Variants in SLC8A1 observed in about 807,000 individuals in gnomAD.
The protein encoded by SLC8A1 is solute carrier family 8 member A1.
SLC8A1 carries 18 observed loss-of-function variants against 68.3 expected under a neutral mutation model. That is an observed-to-expected ratio of 0.26 (90% CI 0.18 to 0.39). The LOEUF (loss-of-function observed/expected upper bound fraction) is 0.39, where lower values mean the gene tolerates loss of function less well. Ranked by LOEUF, SLC8A1 falls within the 10% of genes least tolerant of loss-of-function variation. The probability of loss-of-function intolerance (pLI) is 1.00; values close to 1 mark genes in which losing one functional copy is unlikely to be tolerated. For synonymous variants in SLC8A1, 475 were observed against 415.5 expected (o/e 1.14, Z -1.74); for missense variants, 985 against 1,156.7 (o/e 0.85, Z 2.15).
At chr2:40,122,202 G>A (rs548024500) in intron 7 of SLC8A1, among the ~76,000 whole-genome samples, 32 of 57,900 alleles carry the variant, frequency 5.5e-4, no homozygotes, top group African/African-American at 1.2e-3. Context: ...GTGCATGCGC[G>A]CGCGCACACA....
At chr2:40,357,042 G>A (rs1286874404) in intron 2 of SLC8A1, among the ~76,000 whole-genome samples, 1 of 152,168 alleles carries the variant, frequency 6.6e-6, no homozygotes, top group Non-Finnish European at 1.5e-5. Flanking sequence ...TACATCTGCA[G>A]AACACAGCAA....
intron 2 of SLC8A1, among the ~76,000 whole-genome samples, chr2:40,299,348 A>G (rs947248110): frequency 6.6e-6 from 1 of 152,126 alleles, no homozygotes; most frequent in Non-Finnish European, 1.5e-5. Context: ...CTTATTAAAG[A>G]TAGGTTTAGT....
At chr2:40,288,849 A>ATATATATATATATATATATATATG (rs1553476848) in intron 2 of SLC8A1, among the ~76,000 whole-genome samples, 2 of 138,760 alleles carry the variant, frequency 1.4e-5, no homozygotes, top group African/African-American at 2.9e-5. Flanking sequence ...ATATATATAT[A>ATATATATATATATATATATATATG]TATGTATATA....
chr2:40,272,973 C>T (rs979597364), intron 2 of SLC8A1, among the ~76,000 whole-genome samples: 1 of 152,162 alleles, frequency 6.6e-6, no homozygotes, highest in Non-Finnish European at 1.5e-5. Flanking sequence ...GATGGAGTCT[C>T]ACTCTGTCAC....
At chr2:40,321,340 C>A (rs1312241650) in intron 2 of SLC8A1, among the ~76,000 whole-genome samples, 1 of 152,000 alleles carries the variant, frequency 6.6e-6, no homozygotes, top group Admixed American at 6.6e-5. Flanking sequence ...CCATGTATAT[C>A]ATTTCTAACT....
chr2:40,505,357 T>C (rs1477531598), intron 1 of SLC8A1, among the ~76,000 whole-genome samples: 1 of 151,928 alleles, frequency 6.6e-6, no homozygotes, highest in Non-Finnish European at 1.5e-5. Context: ...GGATTGTTTA[T>C]AACTCAAAGG....
chr2:40,390,946 C>T (rs2149597830), intron 2 of SLC8A1, among the ~76,000 whole-genome samples: 1 of 152,156 alleles, frequency 6.6e-6, no homozygotes, highest in South Asian at 2.1e-4. Context: ...ATGGGAGCTA[C>T]CGCATGGCTC....
chr2:40,345,351 A>G (rs1005590148), intron 2 of SLC8A1, among the ~76,000 whole-genome samples: 1 of 152,114 alleles, frequency 6.6e-6, no homozygotes, highest in African/African-American at 2.4e-5. Context: ...ATTTCCATTT[A>G]TTTGCAAAGA....
intron 1 of SLC8A1, among the ~76,000 whole-genome samples, chr2:40,461,910 C>T (rs946328314): frequency 6.7e-6 from 1 of 149,664 alleles, no homozygotes; most frequent in African/African-American, 2.5e-5. Context: ...GTTGATTTAA[C>T]AGTACTTGAC....
intron 2 of SLC8A1, among the ~76,000 whole-genome samples, chr2:40,202,553 C>A (rs2054583893): frequency 6.6e-6 from 1 of 151,980 alleles, no homozygotes; most frequent in Non-Finnish European, 1.5e-5. Flanking sequence ...TTTACTGAAT[C>A]AAAATATATA....
Position 40,245,751 on chromosome 2 carries a change from C to T in SLC8A1, c.1809-67896G>A, listed in dbSNP as rs549262199. On this transcript the variant is annotated intron_variant, in intron 2 of 7. Transcript: ENST00000406785. ...CTCCTGTGATGTATATTGTGAAAAA[C>T]ACATTTTAAAACCAAGACAGATATC... Among the ~76,000 whole-genome samples, 9 of 151,928 alleles carry T rather than the reference C, an allele frequency of 5.9e-5. No homozygotes were observed. In the South Asian group the frequency reaches 8.3e-4, roughly 14 times the overall value.
intron 2 of SLC8A1, among the ~76,000 whole-genome samples, chr2:40,354,569 T>G (rs1200089388): frequency 2.0e-5 from 3 of 152,078 alleles, no homozygotes; most frequent in African/African-American, 7.2e-5. Flanking sequence ...CTGAATGAAG[T>G]GTGTGAAGGT....
At chr2:40,123,968 A>G (rs2037500123) in intron 7 of SLC8A1, among the ~76,000 whole-genome samples, 1 of 152,126 alleles carries the variant, frequency 6.6e-6, no homozygotes, top group Non-Finnish European at 1.5e-5. Flanking sequence ...TCTTTCAGTT[A>G]ATCCTCTTTG....
intron 1 of SLC8A1, among the ~76,000 whole-genome samples, chr2:40,447,197 G>A (rs1663227774): frequency 6.6e-6 from 1 of 152,078 alleles, no homozygotes; most frequent in South Asian, 2.1e-4. Context: ...TAGGTTACGG[G>A]CATTAATACA....
intron 2 of SLC8A1, among the ~76,000 whole-genome samples, chr2:40,232,294 C>T (rs1212697244): frequency 6.6e-6 from 1 of 152,012 alleles, no homozygotes; most frequent in Non-Finnish European, 1.5e-5. Flanking sequence ...CAGGGGCATA[C>T]AGGTAGGTGT....
chr2:40,406,271 T>C (rs1321124211), intron 2 of SLC8A1, among the ~76,000 whole-genome samples: 1 of 152,192 alleles, frequency 6.6e-6, no homozygotes, highest in Non-Finnish European at 1.5e-5. Context: ...GTAAAAATAA[T>C]AGAATGTATC....
intron 2 of SLC8A1, among the ~76,000 whole-genome samples, chr2:40,192,209 A>G (rs751977347): frequency 2.2e-4 from 34 of 152,100 alleles, no homozygotes; most frequent in Non-Finnish European, 4.1e-4. Context: ...GATTCCAACA[A>G]TCTTTCTAGT....
At chr2:40,311,663 G>A (rs1335954327) in intron 2 of SLC8A1, among the ~76,000 whole-genome samples, 1 of 151,982 alleles carries the variant, frequency 6.6e-6, no homozygotes, top group East Asian at 1.9e-4. Context: ...CCAAGTAGTG[G>A]AATTATATAA....
chr2:40,389,804 G>A (rs929657952), intron 2 of SLC8A1, among the ~76,000 whole-genome samples: 4 of 149,390 alleles, frequency 2.7e-5, no homozygotes, highest in African/African-American at 9.9e-5. Context: ...AAAATTTGGG[G>A]AAATATATAT....
Sources: allele counts gnomAD v4.1 joint callset (sites outside exome capture counted in the v4.1 genomes callset), GRCh38; gene constraint gnomAD v4.1.1; transcripts MANE v1.5; gene names NCBI Gene and HGNC (gene_info 2026-07-23, HGNC 2026-07-21).